The following IPO11 variants were observed in gnomAD, a reference collection of about 807,000 sequenced individuals.
The protein encoded by IPO11 is importin 11.
A neutral mutation model predicts 143.2 loss-of-function variants in IPO11; 66 were observed. The observed-to-expected ratio is 0.46, with a 90% CI of 0.38 to 0.57. The LOEUF (loss-of-function observed/expected upper bound fraction) is 0.57, where lower values mean the gene tolerates loss of function less well. IPO11 is among the 20% of genes least tolerant of loss of function. The pLI is 0.00. For missense variants in IPO11, 1,026 were observed against 1,141.0 expected (o/e 0.90, Z 1.45); for synonymous variants, 385 against 377.8 (o/e 1.02, Z -0.22).
intron 16 of IPO11, among the ~76,000 whole-genome samples, chr5:62,499,082 C>T (rs993829214): frequency 3.3e-5 from 5 of 152,108 alleles, no homozygotes; most frequent in African/African-American, 7.2e-5. Flanking sequence ...TTCATGGGCA[C>T]GTTGACTACC....
intron 19 of IPO11, 129 bp downstream of exon 19, chr5:62,506,486 G>T: frequency 7.5e-6 from 4 of 533,590 alleles, no homozygotes; most frequent in Non-Finnish European, 9.9e-6. Flanking sequence ...TATAGATTGT[G>T]GTTTCAGTTA....
At chr5:62,618,747 C>A (rs944211283) in intron 29 of IPO11, among the ~76,000 whole-genome samples, 1 of 152,112 alleles carries the variant, frequency 6.6e-6, no homozygotes, top group East Asian at 1.9e-4. Context: ...AGATTTATAA[C>A]CACGGAACAA....
intron 24 of IPO11, among the ~76,000 whole-genome samples, chr5:62,545,108 C>T (rs1277522050): frequency 6.6e-6 from 1 of 152,104 alleles, no homozygotes; most frequent in Non-Finnish European, 1.5e-5. Context: ...CTTTAAAGTT[C>T]ATATGGAACC....
intron 27 of IPO11, among the ~76,000 whole-genome samples, chr5:62,579,205 G>A (rs547581688): frequency 1.0e-3 from 158 of 152,102 alleles, no homozygotes; most frequent in African/African-American, 3.6e-3. Context: ...GTCAAATAGT[G>A]GGTTAATGGC....
chr5:62,470,824 T>C (rs1745745062), intron 7 of IPO11, among the ~76,000 whole-genome samples: 1 of 93,666 alleles, frequency 1.1e-5, no homozygotes, highest in Non-Finnish European at 2.1e-5. Flanking sequence ...TTCTTTTTTT[T>C]TTTTTTTTTT....
chr5:62,486,972 A>G (rs575745120), intron 12 of IPO11, among the ~76,000 whole-genome samples: 29 of 152,232 alleles, frequency 1.9e-4, no homozygotes, highest in African/African-American at 7.0e-4. Flanking sequence ...AATTTAATTA[A>G]AAAATTTAAA....
chr5:62,418,471 T>C (rs1359448609), intron 1 of IPO11, among the ~76,000 whole-genome samples: 1 of 152,184 alleles, frequency 6.6e-6, no homozygotes, highest in Non-Finnish European at 1.5e-5. Flanking sequence ...TCATATAGTT[T>C]AAAATGTAAG....
At chr5:62,593,318 G>A (rs1486330234) in intron 28 of IPO11, among the ~76,000 whole-genome samples, 2 of 152,186 alleles carry the variant, frequency 1.3e-5, no homozygotes, top group Non-Finnish European at 2.9e-5. Flanking sequence ...AAATTATCTA[G>A]TGCAGTCTCA....
intron 1 of IPO11, among the ~76,000 whole-genome samples, chr5:62,420,861 G>T (rs560052194): frequency 6.6e-6 from 1 of 152,272 alleles, no homozygotes; most frequent in South Asian, 2.1e-4. Context: ...GATTACAGGC[G>T]TGAGCCGCCA....
At chr5:62,613,938 G>T (rs1746026520) in intron 29 of IPO11, among the ~76,000 whole-genome samples, 1 of 152,156 alleles carries the variant, frequency 6.6e-6, no homozygotes, top group Admixed American at 6.5e-5. Context: ...AAGCCTTCAA[G>T]TCTTCCCTGT....
intron 22 of IPO11, among the ~76,000 whole-genome samples, chr5:62,531,823 G>A (rs1742555791): frequency 6.6e-6 from 1 of 152,070 alleles, no homozygotes; most frequent in Admixed American, 6.5e-5. Flanking sequence ...TAACAATCAA[G>A]GTAACCATTT....
chr5:62,505,578 A>T lies in IPO11; in HGVS notation c.1666-663A>T, dbSNP rs190791103. On this transcript the variant is annotated intron_variant, in intron 18 of 29. Coordinates refer to ENST00000325324, the MANE Select transcript of IPO11 (RefSeq NM_016338.5). ...TTTGGATGAAAGAAATGTGTTGTAG[A>T]AGTGTGTGCTAAAATGAACCCTATA... Among the ~76,000 whole-genome samples, 409 of 152,238 alleles carry T rather than the reference A, an allele frequency of 2.7e-3. 1 individual carries two copies. Among genetic ancestry groups the T allele is most frequent in the Non-Finnish European group, 4.8e-3 (328 of 67,960 alleles).
chr5:62,415,262 C>T (rs902600092), intron 1 of IPO11, among the ~76,000 whole-genome samples: 1 of 151,980 alleles, frequency 6.6e-6, no homozygotes, highest in Non-Finnish European at 1.5e-5. Flanking sequence ...CTCCCGGGTT[C>T]AAGCGGTTCT....
chr5:62,552,454 G>A (rs1743421111), intron 26 of IPO11, among the ~76,000 whole-genome samples: 1 of 150,652 alleles, frequency 6.6e-6, no homozygotes, highest in Admixed American at 6.6e-5. Flanking sequence ...AATTGAAATG[G>A]GGTAATATAT....
chr5:62,444,127 G>T (rs1021652039), intron 3 of IPO11, among the ~76,000 whole-genome samples: 2 of 144,342 alleles, frequency 1.4e-5, no homozygotes, highest in African/African-American at 2.6e-5. Flanking sequence ...ACGGAGTCTC[G>T]CTCTGTTGCC....
intron 12 of IPO11, among the ~76,000 whole-genome samples, chr5:62,486,989 G>A (rs1024344334): frequency 1.3e-5 from 2 of 151,822 alleles, no homozygotes; most frequent in Non-Finnish European, 2.9e-5. Context: ...TAAATATTGT[G>A]AACGATCTAG....
rs1002132219 is a variant in IPO11, at chr5:62,580,627, C to T, written c.2583-10950C>T. ...CCCATCCATGCGTGGCAGAGCATTA[C>T]GTTATATTAACATTACAAATTGTGT... On this transcript the variant is annotated intron_variant, in intron 27 of 29. Coordinates refer to ENST00000325324, the MANE Select transcript of IPO11 (RefSeq NM_016338.5). The T allele has an allele frequency of 1.4e-5, 21 of 1,551,296 alleles. No individual in the cohort carries two copies. The highest frequency in any genetic ancestry group is 5.9e-5 in the Admixed American group (3 of 50,960).
At chr5:62,418,892 A>G in intron 1 of IPO11, 4 of 1,144,300 alleles carry the variant, frequency 3.5e-6, no homozygotes, top group Non-Finnish European at 4.8e-6. Context: ...TTATAGCACC[A>G]GGTGTGAAAC....
At chr5:62,596,099 A>T (rs1205251633) in intron 28 of IPO11, among the ~76,000 whole-genome samples, 6 of 146,882 alleles carry the variant, frequency 4.1e-5, no homozygotes, top group Non-Finnish European at 7.5e-5. Context: ...TCTCTATTAA[A>T]AAAAAAAAAA....
Sources: gnomAD v4.1 joint callset for allele counts (sites outside exome capture counted in the v4.1 genomes callset) on GRCh38, gnomAD v4.1.1 for gene constraint, MANE v1.5 for transcripts, NCBI Gene and HGNC (gene_info 2026-07-23, HGNC 2026-07-21) for gene names.